The following OSBP2 variants were observed in gnomAD, a reference collection of about 807,000 sequenced individuals.
The protein encoded by OSBP2 is oxysterol binding protein 2.
A neutral mutation model predicts 96.0 loss-of-function variants in OSBP2; 66 were observed. The ratio of observed to expected loss-of-function variants is 0.69; its 90% CI spans 0.56 to 0.84. The LOEUF is 0.84. OSBP2 is among the 40% of genes least tolerant of loss of function. The pLI, the probability that OSBP2 is intolerant of heterozygous loss-of-function variation, is 0.00. For missense variants in OSBP2, 1,038 were observed against 1,222.7 expected, an observed-to-expected ratio of 0.85 and a Z score of 2.25; for synonymous variants, 525 against 520.9, an observed-to-expected ratio of 1.01 and a Z score of -0.11.
intron 2 of OSBP2, among the ~76,000 whole-genome samples, chr22:30,753,070 GT>G (rs2145758728): frequency 6.6e-6 from 1 of 152,252 alleles, no homozygotes; most frequent in Admixed American, 6.5e-5. Flanking sequence ...CATTTACATG[GT>G]TGTGGCACTT....
chr22:30,733,235 C>T (rs2089805859), intron 1 of OSBP2, among the ~76,000 whole-genome samples: 1 of 152,100 alleles, frequency 6.6e-6, no homozygotes, highest in African/African-American at 2.4e-5. Context: ...GCTGGGGAGG[C>T]AAAAGAGGAA....
At chr22:30,749,885 G>T (rs944995295) in intron 2 of OSBP2, among the ~76,000 whole-genome samples, 2 of 152,002 alleles carry the variant, frequency 1.3e-5, no homozygotes, top group African/African-American at 2.4e-5. Context: ...GAGGATTACA[G>T]ACGTGAGCCA....
At chr22:30,705,474 G>T (rs962649572) in intron 1 of OSBP2, among the ~76,000 whole-genome samples, 2 of 152,038 alleles carry the variant, frequency 1.3e-5, no homozygotes, top group Non-Finnish European at 2.9e-5. Flanking sequence ...TGTATTTTTA[G>T]TAGAGTCGGG....
intron 1 of OSBP2, among the ~76,000 whole-genome samples, chr22:30,730,806 ATAATTT>A (rs2089762410): frequency 2.9e-4 from 12 of 41,562 alleles, no homozygotes; most frequent in African/African-American, 1.0e-3. Flanking sequence ...ATATATATAT[ATAATTT>A]TTTTTTTTTT....
chr22:30,805,044 CA>C (rs1256382110), intron 2 of OSBP2, among the ~76,000 whole-genome samples: 2 of 152,136 alleles, frequency 1.3e-5, no homozygotes, highest in African/African-American at 4.8e-5. Flanking sequence ...ATAGTCTGAG[CA>C]ACTTAAAACC....
chr22:30,801,154 C>A (rs1317733118), intron 2 of OSBP2, among the ~76,000 whole-genome samples: 1 of 152,130 alleles, frequency 6.6e-6, no homozygotes, highest in Non-Finnish European at 1.5e-5. Flanking sequence ...TGATTGTGTA[C>A]CCTGTCCCCA....
chr22:30,850,504 A>T (rs1475000503), intron 2 of OSBP2, among the ~76,000 whole-genome samples: 1 of 151,782 alleles, frequency 6.6e-6, no homozygotes, highest in South Asian at 2.1e-4. Context: ...GCTATTCTTC[A>T]TCCTTTGATT....
chr22:30,794,035 A>G (rs2090719026), intron 2 of OSBP2, among the ~76,000 whole-genome samples: 1 of 152,120 alleles, frequency 6.6e-6, no homozygotes, highest in African/African-American at 2.4e-5. Flanking sequence ...ACATCCTTCT[A>G]TCTCATTTTT....
intron 1 of OSBP2, among the ~76,000 whole-genome samples, chr22:30,724,501 G>A (rs1386347080): frequency 2.0e-5 from 3 of 152,140 alleles, no homozygotes; most frequent in Non-Finnish European, 1.5e-5. Context: ...GATTACAGGC[G>A]TGAGCCACCA....
At chr22:30,722,066 C>G (rs2089560295) in intron 1 of OSBP2, among the ~76,000 whole-genome samples, 1 of 152,064 alleles carries the variant, frequency 6.6e-6, no homozygotes, top group Non-Finnish European at 1.5e-5. Flanking sequence ...ATGTATAGGC[C>G]CACAGCTATG....
upstream of OSBP2, chr22:30,694,185 A>G (rs2088976239): frequency 6.5e-7 from 1 of 1,550,164 alleles, no homozygotes; most frequent in African/African-American, 1.4e-5. Flanking sequence ...TGGTTTACAA[A>G]AAGTCTTCCC....
chr22:30,888,128 A>G (rs2039857496), intron 4 of OSBP2, 95 bp from the exon 5 acceptor site: 2 of 810,940 alleles, frequency 2.5e-6, no homozygotes. Context: ...GAGTGAGGCC[A>G]GATGGGGGTT....
At chr22:30,753,101 C>T (rs144157200) in intron 2 of OSBP2, among the ~76,000 whole-genome samples, 23 of 152,222 alleles carry the variant, frequency 1.5e-4, no homozygotes, top group Middle Eastern at 3.4e-3. Flanking sequence ...TTTCAGTTTA[C>T]AGCCCTATAT....
chr22:30,762,594 G>T (rs988150630), intron 2 of OSBP2, among the ~76,000 whole-genome samples: 3 of 152,022 alleles, frequency 2.0e-5, no homozygotes, highest in East Asian at 1.9e-4. Context: ...CTCCTCTTGC[G>T]CTCTAGACCC....
At chr22:30,884,708 A>G (rs1424282009) in intron 3 of OSBP2, among the ~76,000 whole-genome samples, 1 of 151,878 alleles carries the variant, frequency 6.6e-6, no homozygotes, top group Non-Finnish European at 1.5e-5. Context: ...GCGAGTCCCC[A>G]GGCAGGGTGC....
chr22:30,722,382 A>G (rs1326058524), intron 1 of OSBP2, among the ~76,000 whole-genome samples: 2 of 152,332 alleles, frequency 1.3e-5, no homozygotes, highest in East Asian at 1.9e-4. Flanking sequence ...GGGTCAATCA[A>G]GGGTCCACAC....
At chr22:30,730,770 CTCTCTATATATATA>C (rs1297052088) in intron 1 of OSBP2, among the ~76,000 whole-genome samples, 2 of 26,934 alleles carry the variant, frequency 7.4e-5, no homozygotes, top group African/African-American at 2.8e-4. Context: ...CTCTCTCTCT[CTCTCTATATATATA>C]TATATATATA....
At chr22:30,704,456 G>A (rs372554017) in intron 1 of OSBP2, among the ~76,000 whole-genome samples, 2 of 151,960 alleles carry the variant, frequency 1.3e-5, no homozygotes, top group African/African-American at 4.8e-5. Flanking sequence ...CTGGGAGTTC[G>A]TCATGTGGGC....
intron 2 of OSBP2, among the ~76,000 whole-genome samples, chr22:30,771,229 G>C (rs1487085112): frequency 6.6e-6 from 1 of 152,174 alleles, no homozygotes; most frequent in Non-Finnish European, 1.5e-5. Context: ...CCTGTGTCTA[G>C]CCCAGGCCAA....
Sources: allele counts gnomAD v4.1 joint callset (sites outside exome capture counted in the v4.1 genomes callset), GRCh38; gene constraint gnomAD v4.1.1; transcripts MANE v1.5; gene names NCBI Gene and HGNC (gene_info 2026-07-23, HGNC 2026-07-21).